Variants in AMPH observed in about 807,000 individuals in gnomAD.
AMPH encodes amphiphysin (Stiff-Mann syndrome with breast cancer 128kD autoantigen).
A neutral mutation model predicts 99.1 loss-of-function variants in AMPH; 49 were observed. The ratio of observed to expected loss-of-function variants is 0.49; its 90% CI spans 0.39 to 0.63. The LOEUF (loss-of-function observed/expected upper bound fraction) is 0.63, where lower values mean the gene tolerates loss of function less well. Among genes scored for constraint, AMPH ranks in the 20% least tolerant of loss-of-function variants. The probability of loss-of-function intolerance (pLI) is 0.00; values close to 1 mark genes in which losing one functional copy is unlikely to be tolerated. For synonymous variants in AMPH, 314 were observed against 317.3 expected (o/e 0.99, Z 0.11); for missense variants, 759 against 863.4 (o/e 0.88, Z 1.52).
chr7:38,603,663 C>T (rs1277215150), intron 1 of AMPH, among the ~76,000 whole-genome samples: 1 of 152,146 alleles, frequency 6.6e-6, no homozygotes, highest in African/African-American at 2.4e-5. Context: ...AAGAGCCAGG[C>T]CTCCATATCA....
rs112665357 is a variant in AMPH at position 38,525,500 on chromosome 7, A to G, written c.150+9431T>C. Among the ~76,000 whole-genome samples, 275 of 148,214 alleles carry G rather than the reference A, an allele frequency of 1.9e-3. 3 individuals carry two copies. The Middle Eastern group carries it at 0.028, about 15-fold the overall frequency. On this transcript the variant is annotated intron_variant, in intron 2 of 20. Coordinates refer to ENST00000356264, the MANE Select transcript of AMPH (RefSeq NM_001635.4). The stretch of plus-strand genomic sequence containing the variant: ...TGTGTGTTTAGTTTTATGCGATTTT[A>G]CCACATGTGTAGGTTCATGTATCCA...
At chr7:38,525,201 ATATCATC>A (rs1790118907) in intron 2 of AMPH, among the ~76,000 whole-genome samples, 1 of 149,494 alleles carries the variant, frequency 6.7e-6, no homozygotes, top group Admixed American at 6.7e-5. Flanking sequence ...ACAATCTTAT[ATATCATC>A]TATTATATAT....
chr7:38,527,051 T>C (rs1790216236), intron 2 of AMPH, among the ~76,000 whole-genome samples: 1 of 152,246 alleles, frequency 6.6e-6, no homozygotes, highest in Non-Finnish European at 1.5e-5. Flanking sequence ...TTTAAACCTT[T>C]GTCAAAAACC....
chr7:38,546,070 G>A (rs764351932), intron 1 of AMPH, among the ~76,000 whole-genome samples: 1 of 152,142 alleles, frequency 6.6e-6, no homozygotes, highest in African/African-American at 2.4e-5. Flanking sequence ...TTGTCCACGT[G>A]GTCGTTTTCT....
chr7:38,418,803 T>G (rs900098946), intron 16 of AMPH, among the ~76,000 whole-genome samples: 2 of 152,254 alleles, frequency 1.3e-5, no homozygotes, highest in South Asian at 4.2e-4. Context: ...CAACAAGACA[T>G]ATAAACATCA....
intron 4 of AMPH, among the ~76,000 whole-genome samples, chr7:38,493,766 G>T (rs1389323557): frequency 6.6e-6 from 1 of 152,146 alleles, no homozygotes; most frequent in African/African-American, 2.4e-5. Context: ...CTGCATTTGG[G>T]GAGGCATAGT....
At chr7:38,623,576 G>A (rs1299199712) in intron 1 of AMPH, among the ~76,000 whole-genome samples, 2 of 152,180 alleles carry the variant, frequency 1.3e-5, no homozygotes, top group Non-Finnish European at 2.9e-5. Context: ...AGAGATTTCA[G>A]ATGATCTGAA....
intron 1 of AMPH, among the ~76,000 whole-genome samples, chr7:38,544,265 A>T (rs769257250): frequency 3.3e-5 from 5 of 152,346 alleles, no homozygotes; most frequent in South Asian, 2.1e-4. Flanking sequence ...GAAGCAAGTT[A>T]TACAAAATGT....
chr7:38,605,309 T>C (rs1442754927), intron 1 of AMPH, among the ~76,000 whole-genome samples: 1 of 152,146 alleles, frequency 6.6e-6, no homozygotes, highest in South Asian at 2.1e-4. Flanking sequence ...TACACTGCCA[T>C]GACACATGAA....
intron 1 of AMPH, among the ~76,000 whole-genome samples, chr7:38,543,392 G>C (rs76264751): frequency 0.023 from 3,544 of 152,244 alleles, 160 homozygotes; most frequent in African/African-American, 0.08. Flanking sequence ...AGGCAAGAAG[G>C]GGCTGCTTGT....
At chr7:38,510,420 C>T (rs559131803) in intron 2 of AMPH, among the ~76,000 whole-genome samples, 27 of 152,238 alleles carry the variant, frequency 1.8e-4, no homozygotes, top group East Asian at 1.2e-3. Flanking sequence ...CTGAGGAGAA[C>T]ACAATTCAGT....
chr7:38,610,291 AG>A (rs1674515906), intron 1 of AMPH, among the ~76,000 whole-genome samples: 2 of 24,752 alleles, frequency 8.1e-5, no homozygotes, highest in African/African-American at 4.0e-4. Context: ...AAAGAAAGAA[AG>A]AAAGAAAAGA....
intron 1 of AMPH, among the ~76,000 whole-genome samples, chr7:38,544,201 C>T (rs1250500248): frequency 6.6e-6 from 1 of 152,188 alleles, no homozygotes; most frequent in Non-Finnish European, 1.5e-5. Context: ...AACTATATGA[C>T]ATCATCTCCC....
At chr7:38,443,126 A>G (rs945362914) in intron 11 of AMPH, among the ~76,000 whole-genome samples, 11 of 152,088 alleles carry the variant, frequency 7.2e-5, no homozygotes, top group African/African-American at 2.2e-4. Flanking sequence ...TTTAGATGAA[A>G]TGGACAGATT....
At chr7:38,569,395 A>G (rs190608159) in intron 1 of AMPH, among the ~76,000 whole-genome samples, 2 of 152,198 alleles carry the variant, frequency 1.3e-5, no homozygotes. Context: ...ATTCATATCT[A>G]TCTATATTAC....
chr7:38,494,305 T>C (rs1342535114), intron 4 of AMPH, 128 bp downstream of exon 4: 3 of 784,636 alleles, frequency 3.8e-6, no homozygotes, highest in Non-Finnish European at 6.5e-6. Flanking sequence ...GCAGCAGAAC[T>C]GCACAGTGCC....
At chr7:38,420,166 T>G (rs1015254598) in intron 16 of AMPH, among the ~76,000 whole-genome samples, 3 of 152,206 alleles carry the variant, frequency 2.0e-5, no homozygotes, top group Non-Finnish European at 2.9e-5. Flanking sequence ...GAGGATAGTA[T>G]AGCTCACTAA....
intron 17 of AMPH, among the ~76,000 whole-genome samples, chr7:38,406,731 CCTCTCTCTCTCTCTCTCTCTCTCT>C (rs56738810): frequency 5.0e-5 from 4 of 80,550 alleles, no homozygotes; most frequent in African/African-American, 1.6e-4. Context: ...TCTCCCTTTC[CCTCTCTCTCTCTCTCTCTCTCTCT>C]CTCTCTCTCT....
chr7:38,616,048 G>C (rs1793860616), intron 1 of AMPH, among the ~76,000 whole-genome samples: 1 of 152,154 alleles, frequency 6.6e-6, no homozygotes, highest in Admixed American at 6.5e-5. Flanking sequence ...ACAGGAGGCA[G>C]AATATAGCAC....
Sources: allele counts gnomAD v4.1 joint callset (sites outside exome capture counted in the v4.1 genomes callset), GRCh38; gene constraint gnomAD v4.1.1; transcripts MANE v1.5; gene names NCBI Gene and HGNC (gene_info 2026-07-23, HGNC 2026-07-21).